The following PKIB variants were observed in gnomAD, a reference collection of about 807,000 sequenced individuals.
PKIB encodes cAMP-dependent protein kinase inhibitor beta, also known as PKI-beta.
In PKIB, 2 loss-of-function variants were observed where a neutral mutation model predicts 4.5. The ratio of observed to expected loss-of-function variants is 0.44; its 90% CI spans 0.18 to 1.39. The LOEUF (loss-of-function observed/expected upper bound fraction) is 1.39. Among genes scored for constraint, PKIB ranks in the 40% most tolerant of loss-of-function variants. The pLI is 0.27. For missense variants in PKIB, 94 were observed against 92.6 expected, an observed-to-expected ratio of 1.02 and a Z score of -0.06; for synonymous variants, 38 against 36.0, an observed-to-expected ratio of 1.06 and a Z score of -0.20.
At chr6:122,515,193 T>G (rs1163636466) in intron 2 of PKIB, among the ~76,000 whole-genome samples, 1 of 152,190 alleles carries the variant, frequency 6.6e-6, no homozygotes, top group African/African-American at 2.4e-5. Flanking sequence ...AACTATAATT[T>G]CATGATAAAA....
intron 2 of PKIB, among the ~76,000 whole-genome samples, chr6:122,646,854 C>T (rs1221289261): frequency 6.6e-6 from 1 of 152,120 alleles, no homozygotes; most frequent in Non-Finnish European, 1.5e-5. Context: ...ATTTCTAGTA[C>T]ACCCTTGGGA....
At chr6:122,672,778 T>C (rs1450050346) in intron 2 of PKIB, among the ~76,000 whole-genome samples, 1 of 151,718 alleles carries the variant, frequency 6.6e-6, no homozygotes, top group Non-Finnish European at 1.5e-5. Context: ...GTAATACTTA[T>C]AATTTATAGT....
At chr6:122,534,456 G>C (rs1266270774) in intron 2 of PKIB, among the ~76,000 whole-genome samples, 1 of 151,952 alleles carries the variant, frequency 6.6e-6, no homozygotes, top group Non-Finnish European at 1.5e-5. Flanking sequence ...CAAGTTCTGA[G>C]TATCCAGCGT....
At chr6:122,588,437 C>T (rs551252302) in intron 3 of PKIB, among the ~76,000 whole-genome samples, 2 of 152,156 alleles carry the variant, frequency 1.3e-5, no homozygotes, top group South Asian at 4.1e-4. Context: ...CTTTAAAGTT[C>T]ATATGGAACC....
At position 122,577,903 on chromosome 6, in the gene PKIB, C is replaced by T. The variant is rs189065738; in HGVS notation, c.-247-8018C>T. Among the ~76,000 whole-genome samples, 560 of 144,630 alleles carry T rather than the reference C, an allele frequency of 3.9e-3. 5 individuals are homozygous for T. The highest frequency in any genetic ancestry group is 0.013 in the African/African-American group (502 of 39,148). 94.9% of individuals were successfully genotyped at this position (144,630 alleles called of 152,430 possible). ...CAGTCTGGGCGACAGAGCAAGACTCCGTCTCAAAAAAAAAAAAAAGAAAAG... is the reference window on the plus strand; with the variant it reads ...CAGTCTGGGCGACAGAGCAAGACTCTGTCTCAAAAAAAAAAAAAAGAAAAG... On this transcript the variant is annotated intron_variant, in intron 2 of 6. Transcript: ENST00000392491.
At chr6:122,599,996 T>G (rs192989145) in intron 3 of PKIB, among the ~76,000 whole-genome samples, 1 of 149,432 alleles carries the variant, frequency 6.7e-6, no homozygotes, top group African/African-American at 2.5e-5. Flanking sequence ...TATATCTATA[T>G]CTATATCTAT....
intron 2 of PKIB, among the ~76,000 whole-genome samples, chr6:122,641,946 G>A (rs1776135335): frequency 6.6e-6 from 1 of 152,240 alleles, no homozygotes; most frequent in East Asian, 1.9e-4. Context: ...GCCCAACTCG[G>A]CCTCCCAAAG....
chr6:122,678,871 A>G (rs1476803238), intron 3 of PKIB, among the ~76,000 whole-genome samples: 6 of 152,208 alleles, frequency 3.9e-5, no homozygotes, highest in Non-Finnish European at 8.8e-5. Flanking sequence ...TTGAAACCAC[A>G]TGAAAATAGT....
intron 2 of PKIB, among the ~76,000 whole-genome samples, chr6:122,645,924 T>C (rs1776294759): frequency 1.3e-5 from 2 of 152,130 alleles, no homozygotes; most frequent in Non-Finnish European, 2.9e-5. Context: ...CTTTACTTTA[T>C]TACTGATGAA....
chr6:122,695,011 C>G (rs2115010277), intron 3 of PKIB, among the ~76,000 whole-genome samples: 1 of 152,262 alleles, frequency 6.6e-6, no homozygotes, highest in South Asian at 2.1e-4. Flanking sequence ...ACGCTGCATT[C>G]TTTGGAGCCT....
intron 2 of PKIB, among the ~76,000 whole-genome samples, chr6:122,559,808 A>T: frequency 6.6e-6 from 1 of 152,068 alleles, no homozygotes; most frequent in Non-Finnish European, 1.5e-5. Context: ...CAGCTATTGT[A>T]AAAGGGGTTG....
At chr6:122,609,897 A>G (rs1217249544), upstream of PKIB, among the ~76,000 whole-genome samples, 1 of 152,178 alleles carries the variant, frequency 6.6e-6, no homozygotes, top group Non-Finnish European at 1.5e-5. Context: ...AAACTCGAAG[A>G]CCCAGATTCG....
chr6:122,695,003 G>T lies in PKIB; in HGVS notation c.-9+19859G>T, dbSNP rs551941354. The stretch of plus-strand genomic sequence containing the variant: ...ATCTAATACAGTAGAGGGTTCCTAC[G>T]CTGCATTCTTTGGAGCCTTCTCTCC... On this transcript the variant is annotated intron_variant, in intron 3 of 4. Coordinates refer to ENST00000368452, the MANE Select transcript of PKIB (RefSeq NM_181795.3). Among the ~76,000 whole-genome samples the T allele has an allele frequency of 3.0e-4, 45 of 152,242 alleles. No individual in the cohort carries two copies. The South Asian group carries it at 8.9e-3, about 30-fold the overall frequency.
chr6:122,509,417 C>A (rs999324944), intron 2 of PKIB, among the ~76,000 whole-genome samples: 1 of 151,340 alleles, frequency 6.6e-6, no homozygotes, highest in African/African-American at 2.4e-5. Context: ...GTATATGAGC[C>A]TGTCCAATTA....
At chr6:122,701,395 G>A in intron 3 of PKIB, 1 of 1,481,364 alleles carries the variant, frequency 6.8e-7, no homozygotes, top group Non-Finnish European at 9.2e-7. Context: ...AAGCAGGAAT[G>A]AAGTACTGAC....
intron 3 of PKIB, among the ~76,000 whole-genome samples, chr6:122,595,282 G>A (rs960717148): frequency 5.3e-5 from 8 of 152,134 alleles, no homozygotes; most frequent in African/African-American, 9.7e-5. Context: ...ATATTGTCAC[G>A]TAGTTGGCAT....
chr6:122,711,642 G>A (rs1779276687), intron 3 of PKIB, among the ~76,000 whole-genome samples: 1 of 151,966 alleles, frequency 6.6e-6, no homozygotes, highest in Admixed American at 6.6e-5. Flanking sequence ...TACTCAAGGA[G>A]GCTACATAGT....
chr6:122,724,247 A>T (rs185248511), intron 4 of PKIB, among the ~76,000 whole-genome samples: 5 of 152,302 alleles, frequency 3.3e-5, no homozygotes, highest in African/African-American at 1.2e-4. Flanking sequence ...AGAAAGGGAA[A>T]GTCAGGTAAA....
intron 2 of PKIB, among the ~76,000 whole-genome samples, chr6:122,670,299 A>G (rs905906293): frequency 1.3e-5 from 2 of 152,142 alleles, no homozygotes; most frequent in African/African-American, 4.8e-5. Context: ...CTATTTCTAT[A>G]GAAAGGGGGA....
Sources: allele counts gnomAD v4.1 joint callset (sites outside exome capture counted in the v4.1 genomes callset), GRCh38; gene constraint gnomAD v4.1.1; transcripts MANE v1.5; gene names NCBI Gene and HGNC (gene_info 2026-07-23, HGNC 2026-07-21).